The following CENPP variants were observed in gnomAD, a reference collection of about 807,000 sequenced individuals.
CENPP encodes the protein centromere protein P.
In CENPP, 24 loss-of-function variants were observed where a neutral mutation model predicts 35.6. That is an observed-to-expected ratio of 0.67 (90% CI 0.49 to 0.95). The LOEUF (loss-of-function observed/expected upper bound fraction) is 0.95, where lower values mean the gene tolerates loss of function less well. CENPP is among the 40% of genes least tolerant of loss of function. The pLI is 0.00. For synonymous variants in CENPP, 120 were observed against 125.5 expected, an observed-to-expected ratio of 0.96 and a Z score of 0.29; for missense variants, 332 against 345.3, an observed-to-expected ratio of 0.96 and a Z score of 0.31.
intron 5 of CENPP, among the ~76,000 whole-genome samples, chr9:92,532,528 G>A (rs973380048): frequency 2.0e-5 from 3 of 151,398 alleles, no homozygotes; most frequent in Non-Finnish European, 4.4e-5. Flanking sequence ...TGTATTTTTT[G>A]TTTGTCTATC....
chr9:92,525,248 T>G (rs1848319001), intron 5 of CENPP, among the ~76,000 whole-genome samples: 1 of 151,746 alleles, frequency 6.6e-6, no homozygotes, highest in South Asian at 2.1e-4. Flanking sequence ...AGCCCAGAAG[T>G]TCAAGGTTGC....
intron 5 of CENPP, among the ~76,000 whole-genome samples, chr9:92,386,001 T>C (rs148390220): frequency 6.6e-6 from 1 of 152,344 alleles, no homozygotes; most frequent in African/African-American, 2.4e-5. Flanking sequence ...CTACTTGTTA[T>C]GCTCTGGATG....
intron 5 of CENPP, among the ~76,000 whole-genome samples, chr9:92,473,461 CT>C (rs1393637350): frequency 1.3e-5 from 2 of 152,184 alleles, no homozygotes; most frequent in Admixed American, 6.5e-5. Context: ...AACGTTTTTT[CT>C]TGTCTGAGAT....
At chr9:92,347,343 C>G (rs977490702) in intron 4 of CENPP, among the ~76,000 whole-genome samples, 1 of 152,178 alleles carries the variant, frequency 6.6e-6, no homozygotes. Flanking sequence ...TATCTCTCTT[C>G]CTGTAATAAT....
intron 5 of CENPP, chr9:92,390,073 A>G (rs1275642905): frequency 1.4e-6 from 2 of 1,415,942 alleles, no homozygotes; most frequent in Non-Finnish European, 2.0e-6. Context: ...GGAAAAAAAT[A>G]TAAAAAACAA....
chr9:92,562,601 G>A (rs1270016863), intron 5 of CENPP, among the ~76,000 whole-genome samples: 2 of 152,118 alleles, frequency 1.3e-5, no homozygotes, highest in African/African-American at 2.4e-5. Context: ...TGGGAAGCAG[G>A]CAGCCACAGC....
intron 5 of CENPP, among the ~76,000 whole-genome samples, chr9:92,434,745 T>C (rs1469508633): frequency 6.6e-6 from 1 of 152,096 alleles, no homozygotes. Context: ...ACCTTAATTT[T>C]TTAAAAAGTT....
intron 4 of CENPP, among the ~76,000 whole-genome samples, chr9:92,378,925 A>C (rs911473402): frequency 3.3e-5 from 5 of 152,132 alleles, no homozygotes; most frequent in African/African-American, 1.2e-4. Context: ...AACAGACCCC[A>C]CAAGTTATAG....
intron 5 of CENPP, among the ~76,000 whole-genome samples, chr9:92,428,715 A>G (rs1373740682): frequency 5.9e-5 from 9 of 152,112 alleles, no homozygotes; most frequent in Admixed American, 4.6e-4. Flanking sequence ...TCTGCTTGTT[A>G]CTTGCTTCTA....
chr9:92,336,909 G>A (rs1840947763), intron 2 of CENPP, among the ~76,000 whole-genome samples: 1 of 152,148 alleles, frequency 6.6e-6, no homozygotes, highest in African/African-American at 2.4e-5. Flanking sequence ...TCAATTTACT[G>A]CCTTTAAGTA....
At chr9:92,374,241 C>CTGTGTGTGTG (rs10569730) in intron 4 of CENPP, among the ~76,000 whole-genome samples, 140 of 142,822 alleles carry the variant, frequency 9.8e-4, no homozygotes, top group East Asian at 1.9e-3. Context: ...TTGCTGTTTG[C>CTGTGTGTGTG]TGTGTGTGTG....
intron 5 of CENPP, among the ~76,000 whole-genome samples, chr9:92,433,748 A>G (rs993065569): frequency 6.6e-6 from 1 of 152,050 alleles, no homozygotes; most frequent in African/African-American, 2.4e-5. Context: ...CGTGACCAAC[A>G]TGGCAAAACC....
chr9:92,426,466 A>T (rs1843969721), intron 5 of CENPP, among the ~76,000 whole-genome samples: 1 of 152,216 alleles, frequency 6.6e-6, no homozygotes, highest in South Asian at 2.1e-4. Flanking sequence ...CTTGGGACTC[A>T]GCAGTGAAAG....
rs1431115384 is a variant in CENPP at position 92,506,931 on chromosome 9, A to G, written c.565-104383A>G. Among the ~76,000 whole-genome samples, 71 of 152,066 alleles carry G rather than the reference A, an allele frequency of 4.7e-4. 1 individual carries two copies. Among genetic ancestry groups the G allele is most frequent in the Non-Finnish European group, 1.9e-4 (13 of 68,024 alleles). On this transcript the variant is annotated intron_variant, in intron 5 of 7. Coordinates refer to ENST00000375587, the MANE Select transcript of CENPP (RefSeq NM_001012267.3). ...ATTTTATTTTATTTTATTTAGAGAC[A>G]GAGTCTTGCTCTGTCACCCAGGCTG... is the stretch of plus-strand genomic sequence containing the variant.
chr9:92,341,843 C>G (rs947685342), intron 3 of CENPP, among the ~76,000 whole-genome samples: 2 of 152,228 alleles, frequency 1.3e-5, no homozygotes, highest in Non-Finnish European at 1.5e-5. Flanking sequence ...AGCCAATATT[C>G]TCATCCTCAT....
intron 5 of CENPP, among the ~76,000 whole-genome samples, chr9:92,396,821 G>A (rs1017909767): frequency 4.6e-5 from 7 of 151,770 alleles, no homozygotes; most frequent in African/African-American, 9.7e-5. Flanking sequence ...CTCTTGCCTC[G>A]GCCTTCCCAT....
chr9:92,551,755 C>T (rs1849591535), intron 5 of CENPP, among the ~76,000 whole-genome samples: 1 of 151,640 alleles, frequency 6.6e-6, no homozygotes, highest in African/African-American at 2.4e-5. Flanking sequence ...TCCCACATAT[C>T]AGTGAGAACA....
intron 5 of CENPP, among the ~76,000 whole-genome samples, chr9:92,606,644 G>A (rs144250969): frequency 0.04 from 6,018 of 152,328 alleles, 184 homozygotes; most frequent in South Asian, 0.11. Flanking sequence ...AGTGGCTCAC[G>A]CCTGTAATCC....
Position 92,578,312 on chromosome 9 carries a change from C to A in CENPP, c.565-33002C>A, listed in dbSNP as rs574149399. Among the ~76,000 whole-genome samples the A allele has an allele frequency of 5.3e-5, 8 of 152,198 alleles. No homozygotes were observed. The East Asian group carries it at 1.5e-3, about 29-fold the overall frequency. On this transcript the variant is annotated intron_variant, in intron 5 of 7. Transcript: ENST00000375587. Reference sequence around the variant, plus strand: ...TGATTTATAGTCCTTTGGGTATATACCCAGTAATGCGATGGCTGGGTCTAA... The same window carrying A: ...TGATTTATAGTCCTTTGGGTATATAACCAGTAATGCGATGGCTGGGTCTAA...
Sources: allele counts gnomAD v4.1 joint callset (sites outside exome capture counted in the v4.1 genomes callset), GRCh38; gene constraint gnomAD v4.1.1; transcripts MANE v1.5; gene names NCBI Gene and HGNC (gene_info 2026-07-23, HGNC 2026-07-21).